Variants in ACSS2 observed in about 807,000 individuals in gnomAD.
ACSS2 encodes acyl-CoA synthetase short chain family member 2.
Under a neutral mutation model 90.6 loss-of-function variants are expected in ACSS2, and 58 were observed. The observed-to-expected ratio is 0.64, with a 90% CI of 0.52 to 0.80. The LOEUF is 0.80. Among genes scored for constraint, ACSS2 ranks in the 30% least tolerant of loss-of-function variants. ACSS2 has a pLI of 0.00. For synonymous variants in ACSS2, 300 were observed against 330.9 expected (o/e 0.91, Z 1.01); for missense variants, 759 against 912.0 (o/e 0.83, Z 2.16).
chr20:34,903,290 C>T (rs1362812375), intron 2 of ACSS2, among the ~76,000 whole-genome samples: 2 of 146,872 alleles, frequency 1.4e-5, no homozygotes, highest in Non-Finnish European at 3.0e-5. Context: ...TGCAGTAAGT[C>T]AAGATCACAC....
At chr20:34,897,732 G>A (rs2080500079) in intron 2 of ACSS2, among the ~76,000 whole-genome samples, 1 of 152,016 alleles carries the variant, frequency 6.6e-6, no homozygotes, top group African/African-American at 2.4e-5. Flanking sequence ...GGGAGGCTGA[G>A]GCAGGAGAAT....
At chr20:34,887,223 A>G (rs8119835) in intron 2 of ACSS2, among the ~76,000 whole-genome samples, 1 of 152,234 alleles carries the variant, frequency 6.6e-6, no homozygotes, top group East Asian at 1.9e-4. Context: ...CAGAACTGAG[A>G]CTAATCTCCA....
rs747744902 is a variant in ACSS2, at chr20:34,919,574, CAAGT to C, written c.972+3_972+6del. On this transcript the variant is annotated splice_donor_5th_base_variant and intron_variant, in intron 8 of 17. Transcript: ENST00000360596. The stretch of plus-strand genomic sequence containing the variant: ...AGTGGCTCCACAGGCAAACCCAAGG[CAAGT>C]GTGTGTGTGTGTGTGTGTGTGTGTG... The C allele has an allele frequency of 2.5e-6, 4 of 1,576,254 alleles. No homozygotes were observed. Among genetic ancestry groups the C allele is most frequent in the Non-Finnish European group, 3.4e-6 (4 of 1,168,390 alleles).
At chr20:34,923,689 G>C (rs773202480) in intron 14 of ACSS2, among the ~76,000 whole-genome samples, 1 of 152,176 alleles carries the variant, frequency 6.6e-6, no homozygotes, top group Non-Finnish European at 1.5e-5. Context: ...CATGGCAAGA[G>C]AGGAAGCAAG....
At chr20:34,900,097 G>T (rs1448936493) in intron 2 of ACSS2, among the ~76,000 whole-genome samples, 3 of 151,302 alleles carry the variant, frequency 2.0e-5, no homozygotes, top group Non-Finnish European at 4.4e-5. Context: ...TTTGATTATG[G>T]CCATCTTAGT....
At chr20:34,919,805 C>T (rs1180701420) in intron 8 of ACSS2, among the ~76,000 whole-genome samples, 4 of 152,000 alleles carry the variant, frequency 2.6e-5, no homozygotes, top group Admixed American at 2.6e-4. Context: ...ATACAGCTGA[C>T]ATGGATGTTC....
chr20:34,913,857 C>A (rs756856993), intron 5 of ACSS2, 32 bp downstream of exon 5: 2 of 1,598,692 alleles, frequency 1.3e-6, no homozygotes, highest in South Asian at 2.2e-5. Flanking sequence ...TCTCCAGAAC[C>A]CCCCATACCT....
chr20:34,908,872 A>G (rs776510594), intron 2 of ACSS2: 12 of 420,648 alleles, frequency 2.9e-5, no homozygotes, highest in South Asian at 1.9e-4. Flanking sequence ...GGGAAAAAAA[A>G]AAAAAAAAAG....
intron 2 of ACSS2, among the ~76,000 whole-genome samples, chr20:34,890,103 G>C (rs1337827453): frequency 2.0e-5 from 3 of 152,166 alleles, no homozygotes; most frequent in Non-Finnish European, 4.4e-5. Flanking sequence ...AGGGCTTAGT[G>C]CTTGGCAGAA....
intron 2 of ACSS2, among the ~76,000 whole-genome samples, chr20:34,896,708 G>A (rs936211092): frequency 2.6e-5 from 4 of 152,136 alleles, no homozygotes; most frequent in Non-Finnish European, 4.4e-5. Context: ...GTCTACATAG[G>A]ACTCTAGTGC....
intron 2 of ACSS2, among the ~76,000 whole-genome samples, chr20:34,909,547 TATGCC>T (rs935843287): frequency 1.1e-4 from 17 of 152,166 alleles, no homozygotes; most frequent in Non-Finnish European, 1.5e-4. Flanking sequence ...GTGTGTATTG[TATGCC>T]ATCATTTGTG....
chr20:34,911,040 GA>G (rs1014966388), intron 2 of ACSS2, among the ~76,000 whole-genome samples: 6 of 151,952 alleles, frequency 3.9e-5, no homozygotes, highest in Non-Finnish European at 7.4e-5. Flanking sequence ...GTGTTGCTCA[GA>G]TTGGTCTTGA....
intron 2 of ACSS2, among the ~76,000 whole-genome samples, chr20:34,903,735 C>G (rs770635693): frequency 3.3e-5 from 5 of 151,918 alleles, no homozygotes; most frequent in Non-Finnish European, 7.4e-5. Context: ...CAATGACTAT[C>G]GTTCTCATAT....
In ACSS2 at chr20:34,923,363, A is replaced by G. The variant is rs1318697771; in HGVS notation, c.1589A>G (p.Tyr530Cys). The part of the protein sequence containing the change: ...QPWPGIMRTV[Y>C]GNHERFETTY... Reference sequence around the variant, plus strand: ...TGGCCAGGGATCATGCGCACAGTCTATGGGAACCACGAACGCTTTGAGACA... The same window carrying G: ...TGGCCAGGGATCATGCGCACAGTCTGTGGGAACCACGAACGCTTTGAGACA... Residue 530 changes from tyrosine to cysteine, a missense_variant, in exon 14 of 18, where the codon TAT becomes TGT. Tyr to Cys is a radical substitution (Grantham distance 194). Coordinates refer to ENST00000360596, the MANE Select transcript of ACSS2 (RefSeq NM_018677.4). 6.2e-7 allele frequency: 1 copy of G among 1,614,180 alleles called. No homozygotes were observed. The highest frequency in any genetic ancestry group is 1.7e-5 in the Admixed American group (1 of 60,014).
intron 2 of ACSS2, among the ~76,000 whole-genome samples, chr20:34,886,808 G>C (rs1601292118): frequency 6.6e-6 from 1 of 152,074 alleles, no homozygotes; most frequent in Non-Finnish European, 1.5e-5. Context: ...TTTTAAAAAT[G>C]ACATCTTTTC....
At chr20:34,875,663 C>T (rs763057041), upstream of ACSS2, among the ~76,000 whole-genome samples, 2 of 152,224 alleles carry the variant, frequency 1.3e-5, no homozygotes, top group Non-Finnish European at 2.9e-5. Flanking sequence ...TCAAGCCTGA[C>T]GAGGAAGTAA....
At position 34,925,769 on chromosome 20, in the gene ACSS2, G is replaced by A. The variant is rs374514864; in HGVS notation, c.1726+3G>A. 6.2e-6 allele frequency: 10 copies of A among 1,612,054 alleles called. No individual in the cohort carries two copies. Among genetic ancestry groups the A allele is most frequent in the Non-Finnish European group, 7.6e-6 (9 of 1,179,308 alleles). On this transcript the variant is annotated splice_donor_region_variant and intron_variant, in intron 15 of 17. Transcript: ENST00000360596. ...TGATGACATGCTCAATGTATCTGGT[G>A]AGGGCCAGGGGCCACCTTCCCATCT...
chr20:34,922,101 A>G, intron 13 of ACSS2: 3 of 998,136 alleles, frequency 3.0e-6, no homozygotes, highest in East Asian at 6.6e-5. Flanking sequence ...CAGATTCCTG[A>G]TGGTACCTTT....
At chr20:34,899,065 CT>C (rs1292491797) in intron 2 of ACSS2, among the ~76,000 whole-genome samples, 3 of 152,344 alleles carry the variant, frequency 2.0e-5, no homozygotes, top group African/African-American at 7.2e-5. Context: ...CCCTCATTGC[CT>C]GGGGCCGGCA....
Sources: gnomAD v4.1 joint callset for allele counts (sites outside exome capture counted in the v4.1 genomes callset) on GRCh38, gnomAD v4.1.1 for gene constraint, MANE v1.5 for transcripts, NCBI Gene and HGNC (gene_info 2026-07-23, HGNC 2026-07-21) for gene names.